STARD13: variants seen among roughly 807,000 people sequenced by gnomAD.
The protein encoded by STARD13 is StAR related lipid transfer domain containing 13.
In STARD13, 62 loss-of-function variants were observed where a neutral mutation model predicts 106.4. The ratio of observed to expected loss-of-function variants is 0.58; its 90% CI spans 0.48 to 0.72. STARD13 has a LOEUF of 0.72. STARD13 is among the 30% of genes least tolerant of loss of function. The pLI is 0.00. For synonymous variants in STARD13, 565 were observed against 553.0 expected, an observed-to-expected ratio of 1.02 and a Z score of -0.31; for missense variants, 1,387 against 1,424.0, an observed-to-expected ratio of 0.97 and a Z score of 0.42.
chr13:33,152,833 G>C (rs1010667859), intron 3 of STARD13, among the ~76,000 whole-genome samples: 1 of 152,146 alleles, frequency 6.6e-6, no homozygotes, highest in Admixed American at 6.5e-5. Flanking sequence ...GCCTGGTCCC[G>C]CGTTAATTCC....
chr13:33,274,231 AG>A (rs1332311532), intron 1 of STARD13, among the ~76,000 whole-genome samples: 1 of 152,106 alleles, frequency 6.6e-6, no homozygotes, highest in African/African-American at 2.4e-5. Context: ...ATTTGAAGAT[AG>A]GGCCCTTAAA....
chr13:33,524,697 T>G, the STARD13 span, among the ~76,000 whole-genome samples: 50 of 152,080 alleles, frequency 3.3e-4, no homozygotes, highest in Non-Finnish European at 6.6e-4. Context: ...AGGTATTTTA[T>G]GTATTTATTA....
At chr13:33,554,739 G>T in the STARD13 span, among the ~76,000 whole-genome samples, 1 of 152,176 alleles carries the variant, frequency 6.6e-6, no homozygotes, top group Non-Finnish European at 1.5e-5. Context: ...GGTTGGAAAA[G>T]TGAGGTCCAG....
the STARD13 span, among the ~76,000 whole-genome samples, chr13:33,582,089 G>T: frequency 2.0e-5 from 3 of 152,084 alleles, no homozygotes; most frequent in Non-Finnish European, 2.9e-5. Context: ...GGGCGTGGTG[G>T]TGGGTGCCTG....
chr13:33,618,922 A>G, the STARD13 span, among the ~76,000 whole-genome samples: 278 of 152,054 alleles, frequency 1.8e-3, 6 homozygotes, highest in South Asian at 9.2e-3. Context: ...CTGGGACCAT[A>G]AGAATCTGTG....
chr13:33,112,933 T>C lies in STARD13; in HGVS notation c.2282-2A>G. 1 of 1,597,778 alleles carries C rather than the reference T, an allele frequency of 6.3e-7. No individual in the cohort carries two copies. ...GCAGCCGCTGCTCTTTGGAGACATC[T>C]GAGGAAAAGTGGATGCCAGGTCATT... On this transcript the variant is annotated splice_acceptor_variant, in intron 8 of 13. Transcript: ENST00000336934. LOFTEE classifies it high-confidence loss of function.
the STARD13 span, among the ~76,000 whole-genome samples, chr13:33,507,780 A>G: frequency 4.6e-5 from 7 of 152,216 alleles, no homozygotes; most frequent in Admixed American, 3.3e-4. Context: ...TATTCTCACA[A>G]CAAAGTAAGC....
At chr13:33,170,630 C>A (rs1052593076) in intron 1 of STARD13, among the ~76,000 whole-genome samples, 2 of 152,148 alleles carry the variant, frequency 1.3e-5, no homozygotes, top group African/African-American at 4.8e-5. Flanking sequence ...GAGTAAATAT[C>A]ATAAATTAGA....
chr13:33,168,770 G>A (rs1262721917), intron 1 of STARD13, among the ~76,000 whole-genome samples: 1 of 152,184 alleles, frequency 6.6e-6, no homozygotes, highest in Non-Finnish European at 1.5e-5. Flanking sequence ...CCTCAACATT[G>A]AAAGCTCAGT....
chr13:33,409,302 T>C, the STARD13 span, among the ~76,000 whole-genome samples: 1 of 152,104 alleles, frequency 6.6e-6, no homozygotes, highest in African/African-American at 2.4e-5. Flanking sequence ...CCAGCTACTA[T>C]CATTGTCTCG....
At chr13:33,436,666 C>G in the STARD13 span, among the ~76,000 whole-genome samples, 1 of 152,306 alleles carries the variant, frequency 6.6e-6, no homozygotes, top group East Asian at 1.9e-4. Context: ...TCTTTCATCA[C>G]TAGGCTGAGA....
chr13:33,453,005 G>A, the STARD13 span, among the ~76,000 whole-genome samples: 1 of 152,138 alleles, frequency 6.6e-6, no homozygotes, highest in Non-Finnish European at 1.5e-5. Flanking sequence ...GGTGTGCATA[G>A]CAAGAAATCC....
At chr13:33,296,058 T>C (rs1047760459) in intron 1 of STARD13, among the ~76,000 whole-genome samples, 1 of 150,766 alleles carries the variant, frequency 6.6e-6, no homozygotes, top group Admixed American at 6.6e-5. Flanking sequence ...TCGTCTCTAC[T>C]TAAAAAAAAA....
At chr13:33,435,462 T>G in the STARD13 span, among the ~76,000 whole-genome samples, 1 of 152,174 alleles carries the variant, frequency 6.6e-6, no homozygotes, top group African/African-American at 2.4e-5. Context: ...AGATAGAGAT[T>G]CCCACTAATT....
At chr13:33,255,136 G>T (rs537764569) in intron 1 of STARD13, among the ~76,000 whole-genome samples, 1 of 151,282 alleles carries the variant, frequency 6.6e-6, no homozygotes. Flanking sequence ...TTCAGAGACC[G>T]AGCAGGTGAG....
the STARD13 span, among the ~76,000 whole-genome samples, chr13:33,590,242 C>T: frequency 5.9e-5 from 9 of 152,260 alleles, no homozygotes; most frequent in African/African-American, 2.2e-4. Flanking sequence ...CACTTTTACA[C>T]TGTTGGTGGG....
the STARD13 span, among the ~76,000 whole-genome samples, chr13:33,597,537 T>C: frequency 6.6e-6 from 1 of 152,226 alleles, no homozygotes; most frequent in East Asian, 1.9e-4. Flanking sequence ...TAGTGGGTGC[T>C]GGTGAAATAT....
chr13:33,652,008 G>C, the STARD13 span, among the ~76,000 whole-genome samples: 5 of 152,248 alleles, frequency 3.3e-5, no homozygotes, highest in Non-Finnish European at 1.5e-5. Flanking sequence ...GAAGAACAGT[G>C]TCATGTTGAG....
At chr13:33,581,063 C>A in the STARD13 span, among the ~76,000 whole-genome samples, 1 of 152,234 alleles carries the variant, frequency 6.6e-6, no homozygotes, top group African/African-American at 2.4e-5. Flanking sequence ...TATGTCCTAA[C>A]CACAAAGAGA....
Sources: allele counts gnomAD v4.1 joint callset (sites outside exome capture counted in the v4.1 genomes callset), GRCh38; gene constraint gnomAD v4.1.1; transcripts MANE v1.5; gene names NCBI Gene and HGNC (gene_info 2026-07-23, HGNC 2026-07-21).